UBL5: variants seen among roughly 807,000 people sequenced by gnomAD.
UBL5 encodes ubiquitin like 5.
UBL5 carries 13 observed loss-of-function variants against 11.7 expected under a neutral mutation model. The observed-to-expected ratio is 1.11, with a 90% CI of 0.73 to 1.77. UBL5 has a LOEUF of 1.77. Among genes scored for constraint, UBL5 ranks in the 40% most tolerant of loss-of-function variants. The pLI is 0.00. For synonymous variants in UBL5, 28 were observed against 34.7 expected (o/e 0.81, Z 0.68); for missense variants, 58 against 92.3 (o/e 0.63, Z 1.52).
intron 2 of UBL5, 80 bp from the exon 3 acceptor site, chr19:9,828,512 C>A: frequency 6.2e-7 from 1 of 1,601,608 alleles, no homozygotes; most frequent in Non-Finnish European, 8.6e-7. Flanking sequence ...CGGATGGGGT[C>A]CTGGCAGATG....
rs2046047644 is a variant in UBL5 at position 9,830,092 on chromosome 19, A to G, written c.*84A>G. The G allele has an allele frequency of 8.3e-6, 13 of 1,558,870 alleles. No individual in the cohort carries two copies. In the Admixed American group the frequency reaches 2.2e-4, roughly 27 times the overall value. ...GATAGATGCTTGTTTGTAAAAACTC[A>G]CCTTAATAAAGACTTAGATGTTGCT... is the stretch of plus-strand genomic sequence containing the variant. On this transcript the variant is annotated 3_prime_UTR_variant, in exon 5 of 5. Coordinates refer to ENST00000586895, the MANE Select transcript of UBL5 (RefSeq NM_001048241.3).
intron 4 of UBL5, 109 bp downstream of exon 4, chr19:9,828,983 C>A: frequency 9.4e-7 from 1 of 1,063,582 alleles, no homozygotes; most frequent in Non-Finnish European, 1.5e-6. Context: ...TAACTTAATA[C>A]GTGGCACATG....
At chr19:9,828,701 G>A in intron 3 of UBL5, 26 bp downstream of exon 3, 1 of 1,614,028 alleles carries the variant, frequency 6.2e-7, no homozygotes, top group Non-Finnish European at 8.5e-7. Context: ...GAGCCACTGG[G>A]TGGACTGGAC....
intron 2 of UBL5, 72 bp downstream of exon 2, chr19:9,828,465 G>C (rs948506275): frequency 2.5e-6 from 4 of 1,610,028 alleles, no homozygotes; most frequent in Non-Finnish European, 3.4e-6. Context: ...CTCAATCTGT[G>C]TTGTCGGATG....
Position 9,828,826 on chromosome 19 carries a change from C to T in UBL5, c.141-11C>T. ...CCTTAGCCTTATCTCTGAAATGTCT[C>T]TTTTTCTTAGGTACACGATTTTTAA... On this transcript the variant is annotated splice_polypyrimidine_tract_variant and intron_variant, in intron 3 of 4. Coordinates refer to ENST00000586895, the MANE Select transcript of UBL5 (RefSeq NM_001048241.3). 6.2e-7 allele frequency: 1 copy of T among 1,614,186 alleles called. No homozygotes were observed. Among genetic ancestry groups the T allele is most frequent in the Non-Finnish European group, 8.5e-7 (1 of 1,180,020 alleles).
chr19:9,829,078 A>G, intron 4 of UBL5: 1 of 613,890 alleles, frequency 1.6e-6, no homozygotes, highest in Non-Finnish European at 2.9e-6. Flanking sequence ...CAAGTTCAAA[A>G]TATTTATTAC....
In UBL5 at chr19:9,828,817, G is replaced by A. The variant is rs768926414; in HGVS notation, c.141-20G>A. ...GAAGAGCCTCCTTAGCCTTATCTCTGAAATGTCTCTTTTTCTTAGGTACAC... is the reference window on the plus strand; with the variant it reads ...GAAGAGCCTCCTTAGCCTTATCTCTAAAATGTCTCTTTTTCTTAGGTACAC... On this transcript the variant is annotated intron_variant, in intron 3 of 4. Coordinates refer to ENST00000586895, the MANE Select transcript of UBL5 (RefSeq NM_001048241.3). 2.5e-6 allele frequency: 4 copies of A among 1,613,986 alleles called. No individual in the cohort carries two copies. In the Admixed American group the frequency reaches 6.7e-5, roughly 27 times the overall value.
At chr19:9,829,841 C>T (rs2046045935) in intron 4 of UBL5, 124 bp from the exon 5 acceptor site, 6 of 1,050,460 alleles carry the variant, frequency 5.7e-6, no homozygotes, top group Admixed American at 4.5e-5. Context: ...ATAAAAATGG[C>T]CTGGTCCAAA....
Position 9,829,038 on chromosome 19 carries a change from A to G in UBL5, c.178+164A>G, listed in dbSNP as rs1447296592. 1.0e-5 allele frequency: 7 copies of G among 689,866 alleles called. No individual in the cohort carries two copies. In the Admixed American group the frequency reaches 1.0e-4, roughly 10 times the overall value. The allele number at this position is 689,866 out of a possible 1,614,324, so 42.7% of individuals were successfully genotyped here. The stretch of plus-strand genomic sequence containing the variant: ...GAGCTAGGTAATTATTTGGTTGGGG[A>G]GGAGAGTGGTTGGTGAAATAGTTTG... On this transcript the variant is annotated intron_variant, in intron 4 of 4. Coordinates refer to ENST00000586895, the MANE Select transcript of UBL5 (RefSeq NM_001048241.3).
At chr19:9,829,407 C>G (rs989942010) in intron 4 of UBL5, 2 of 162,470 alleles carry the variant, frequency 1.2e-5, no homozygotes, top group African/African-American at 4.8e-5. Context: ...TCTCAAACTC[C>G]TGGCCTCAAG....
intron 1 of UBL5, 103 bp from the exon 2 acceptor site, chr19:9,828,224 T>G: frequency 8.8e-7 from 1 of 1,139,366 alleles, no homozygotes; most frequent in Non-Finnish European, 1.3e-6. Flanking sequence ...ACCTGGAATT[T>G]TAGGGCCTGG....
At chr19:9,828,949 A>G in intron 4 of UBL5, 75 bp downstream of exon 4, 1 of 1,406,582 alleles carries the variant, frequency 7.1e-7, no homozygotes, top group South Asian at 1.2e-5. Flanking sequence ...TAAAGTCTGC[A>G]TGAGCTTATG....
At chr19:9,829,194 T>C (rs944348494) in intron 4 of UBL5, 16 of 308,154 alleles carry the variant, frequency 5.2e-5, no homozygotes, top group Admixed American at 1.8e-4. Flanking sequence ...TTTTATTTAT[T>C]TATTTTTTTG....
At chr19:9,829,743 T>C (rs1020418861) in intron 4 of UBL5, 7 of 515,978 alleles carry the variant, frequency 1.4e-5, no homozygotes, top group Non-Finnish European at 2.4e-5. Flanking sequence ...GTGAGCCACC[T>C]GCTTCGTCCT....
intron 4 of UBL5, chr19:9,829,158 G>A (rs2046041802): frequency 6.9e-6 from 3 of 435,354 alleles, no homozygotes; most frequent in Admixed American, 3.8e-5. Context: ...TTGTGCAAAA[G>A]GAGCAGAAAC....
Position 9,829,990 on chromosome 19 carries a change from G to A in UBL5, c.204G>A (p.Leu68=), listed in dbSNP as rs750306788. 5 of 1,614,038 alleles carry A rather than the reference G, an allele frequency of 3.1e-6. No homozygotes were observed. In the Admixed American group the frequency reaches 6.7e-5, roughly 22 times the overall value. Residue 68 remains leucine (L), a synonymous_variant, in exon 5 of 5, where the codon CTG becomes CTA. Transcript: ENST00000586895. ...GDYEIHDGMN[L]ELYYQ ...ATGAAATCCACGATGGGATGAACCT[G>A]GAGCTTTATTATCAATAGATGAGAA...
At position 9,828,301 on chromosome 19, in the gene UBL5, TCCCACCC is replaced by T; in HGVS notation, c.-11-25_-11-19del. ...CGCCTGAAGCTCTGACTTTGCTGCC[TCCCACCC>T]ACCCCCCGCTTTGTGTAGCTCCAGC... is the stretch of plus-strand genomic sequence containing the variant. On this transcript the variant is annotated intron_variant, in intron 1 of 4. Coordinates refer to ENST00000586895, the MANE Select transcript of UBL5 (RefSeq NM_001048241.3). The T allele has an allele frequency of 6.3e-7, 1 of 1,597,584 alleles. No homozygotes were observed. The highest frequency in any genetic ancestry group is 8.6e-7 in the Non-Finnish European group (1 of 1,165,180).
chr19:9,829,904 A>C, intron 4 of UBL5, 61 bp from the exon 5 acceptor site: 1 of 1,604,142 alleles, frequency 6.2e-7, no homozygotes, highest in Non-Finnish European at 8.5e-7. Flanking sequence ...CCCGGCTGTG[A>C]ATGGATGAGA....
chr19:9,829,860 C>T, intron 4 of UBL5, 105 bp from the exon 5 acceptor site: 1 of 1,334,100 alleles, frequency 7.5e-7, no homozygotes, highest in Admixed American at 2.0e-5. Context: ...AAATGGGCTT[C>T]CTTAGCCCTG....
Sources: allele counts gnomAD v4.1 joint callset, GRCh38; gene constraint gnomAD v4.1.1; transcripts MANE v1.5; gene names NCBI Gene and HGNC (gene_info 2026-07-23, HGNC 2026-07-21).